Variants in DRAXIN observed in about 807,000 individuals in gnomAD.
The protein encoded by DRAXIN is dorsal inhibitory axon guidance protein, also known as dorsal repulsive axon guidance protein.
A neutral mutation model predicts 33.9 loss-of-function variants in DRAXIN; 27 were observed. The ratio of observed to expected loss-of-function variants is 0.80; its 90% CI spans 0.59 to 1.10. The LOEUF is 1.10. DRAXIN is among the 50% of genes least tolerant of loss of function. The pLI, the probability that DRAXIN is intolerant of heterozygous loss-of-function variation, is 0.00. For missense variants in DRAXIN, 371 were observed against 460.8 expected (o/e 0.81, Z 1.78); for synonymous variants, 178 against 194.0 (o/e 0.92, Z 0.69).
Position 11,704,238 on chromosome 1 carries a change from G to A in DRAXIN, c.-10-2011G>A, listed in dbSNP as rs1450092921. On this transcript the variant is annotated intron_variant, in intron 1 of 6. Coordinates refer to ENST00000294485, the MANE Select transcript of DRAXIN (RefSeq NM_198545.4). This position sits in a 1 kb window ranked among gnomAD's most constrained non-coding sequence, Gnocchi z 4.6. Reference sequence around the variant, plus strand: ...AGGACGCTCTTCGGGCTTCTCCCAGGCTGTCATGTCCCTGCAGGACAGAAA... The same window carrying A: ...AGGACGCTCTTCGGGCTTCTCCCAGACTGTCATGTCCCTGCAGGACAGAAA... Among the ~76,000 whole-genome samples, 1 of 152,216 alleles carries A rather than the reference G, an allele frequency of 6.6e-6. No individual in the cohort carries two copies. Among genetic ancestry groups the A allele is most frequent in the Non-Finnish European group, 1.5e-5 (1 of 68,032 alleles).
intron 5 of DRAXIN, among the ~76,000 whole-genome samples, chr1:11,712,881 C>T (rs1033140362): frequency 4.8e-5 from 7 of 146,620 alleles, no homozygotes; most frequent in Admixed American, 3.4e-4. Context: ...CCAGCCTGGG[C>T]GACAAGAGGG....
rs1013460292 is a variant in DRAXIN, at chr1:11,692,485, G to A, written c.-11+632G>A. ...AGGTACTCAGCCTGGCTCCCCCGAC[G>A]GCGCTGGTCTTTCGCCTGTGGTCTC... On this transcript the variant is annotated intron_variant, in intron 1 of 6. Coordinates refer to ENST00000294485, the MANE Select transcript of DRAXIN (RefSeq NM_198545.4). This position sits in a 1 kb window ranked among gnomAD's most constrained non-coding sequence, Gnocchi z 5.8. Among the ~76,000 whole-genome samples, 5 of 152,174 alleles carry A rather than the reference G, an allele frequency of 3.3e-5. No individual in the cohort carries two copies. The highest frequency in any genetic ancestry group is 3.3e-4 in the Admixed American group (5 of 15,280).
At chr1:11,701,468 A>C (rs1641273650) in intron 1 of DRAXIN, among the ~76,000 whole-genome samples, 1 of 152,242 alleles carries the variant, frequency 6.6e-6, no homozygotes, top group Non-Finnish European at 1.5e-5. Flanking sequence ...AAACGCGGAA[A>C]GGCCTGGGCT....
intron 6 of DRAXIN, among the ~76,000 whole-genome samples, chr1:11,717,248 A>G (rs1641590605): frequency 6.6e-6 from 1 of 152,094 alleles, no homozygotes; most frequent in African/African-American, 2.4e-5. Flanking sequence ...CTGCCATTGC[A>G]CTCCAGCCTG....
intron 6 of DRAXIN, 65 bp downstream of exon 6, chr1:11,715,273 G>A (rs561724475): frequency 3.1e-5 from 50 of 1,598,440 alleles, no homozygotes; most frequent in South Asian, 2.2e-4. Context: ...TCCCTTTCTC[G>A]AAGCGGCTTC....
chr1:11,688,127 C>T (rs138973889), upstream of DRAXIN, among the ~76,000 whole-genome samples: 414 of 152,318 alleles, frequency 2.7e-3, 3 homozygotes, highest in Middle Eastern at 6.8e-3. The surrounding 1 kb of genome is among the most constrained non-coding windows in gnomAD (Gnocchi z 4.6). Flanking sequence ...CAGCTCTATC[C>T]TTGGCGACGC....
chr1:11,687,102 G>A (rs1041047246), upstream of DRAXIN, among the ~76,000 whole-genome samples: 3 of 152,050 alleles, frequency 2.0e-5, no homozygotes, highest in Non-Finnish European at 4.4e-5. This position sits in a 1 kb window ranked among gnomAD's most constrained non-coding sequence, Gnocchi z 4.1. Context: ...GTCTCACTCT[G>A]TCATCTAGGC....
At position 11,692,524 on chromosome 1, in the gene DRAXIN, C is replaced by G. The variant is rs1425468425; in HGVS notation, c.-11+671C>G. ...GCCTGTGGTCTCCCGCTCTGTCCCTCCTGCTCCCCACCGCCGGCTTTTGGC... is the reference window on the plus strand; with the variant it reads ...GCCTGTGGTCTCCCGCTCTGTCCCTGCTGCTCCCCACCGCCGGCTTTTGGC... On this transcript the variant is annotated intron_variant, in intron 1 of 6. Coordinates refer to ENST00000294485, the MANE Select transcript of DRAXIN (RefSeq NM_198545.4). This position sits in a 1 kb window ranked among gnomAD's most constrained non-coding sequence, Gnocchi z 5.8. Among the ~76,000 whole-genome samples the G allele has an allele frequency of 6.6e-6, 1 of 152,180 alleles. No individual in the cohort carries two copies. Among genetic ancestry groups the G allele is most frequent in the African/African-American group, 2.4e-5 (1 of 41,446 alleles).
rs1470773684 is a variant in DRAXIN, at chr1:11,705,691, C to A, written c.-10-558C>A. ...AGAAAAATGGGGAAAATAACAGGAG[C>A]CATTTCAGAGAGCTCTTGAAAGGGC... is the stretch of plus-strand genomic sequence containing the variant. On this transcript the variant is annotated intron_variant, in intron 1 of 6. Coordinates refer to ENST00000294485, the MANE Select transcript of DRAXIN (RefSeq NM_198545.4). This position sits in a 1 kb window ranked among gnomAD's most constrained non-coding sequence, Gnocchi z 4.8. Among the ~76,000 whole-genome samples the A allele has an allele frequency of 2.6e-5, 4 of 152,140 alleles. No individual in the cohort carries two copies. Among genetic ancestry groups the A allele is most frequent in the African/African-American group, 9.7e-5 (4 of 41,416 alleles).
At chr1:11,710,230 G>C (rs1229175481) in intron 3 of DRAXIN, among the ~76,000 whole-genome samples, 2 of 151,062 alleles carry the variant, frequency 1.3e-5, no homozygotes, top group African/African-American at 4.9e-5. Context: ...GTTGGCTCAA[G>C]CCTGTAATTC....
At chr1:11,687,687 A>G (rs947576328), upstream of DRAXIN, among the ~76,000 whole-genome samples, 1 of 152,238 alleles carries the variant, frequency 6.6e-6, no homozygotes, top group Non-Finnish European at 1.5e-5. This position sits in a 1 kb window ranked among gnomAD's most constrained non-coding sequence, Gnocchi z 4.1. Flanking sequence ...GGACTTGCCA[A>G]TACGGAACAT....
intron 1 of DRAXIN, among the ~76,000 whole-genome samples, chr1:11,702,056 GCA>G (rs1206269577): frequency 6.6e-6 from 1 of 151,534 alleles, no homozygotes; most frequent in East Asian, 1.9e-4. Flanking sequence ...ACATGCTTGT[GCA>G]CACACATACG....
At position 11,720,593 on chromosome 1, in the gene DRAXIN, C is replaced by CA. The variant is rs34041422; in HGVS notation, c.*917dup. On this transcript the variant is annotated 3_prime_UTR_variant, in exon 7 of 7. Coordinates refer to ENST00000294485, the MANE Select transcript of DRAXIN (RefSeq NM_198545.4). ...GGGGGACAAGAGTGAAACTCCATCT[C>CA]AAAAAAAAAAAAAAAAAAAAGCACA... is the stretch of plus-strand genomic sequence containing the variant. 0.59 allele frequency: 41,632 copies of CA among 70,946 alleles called. 11,580 individuals carry two copies. The highest frequency in any genetic ancestry group is 0.67 in the Non-Finnish European group (26,753 of 39,696). The allele number at this position is 70,946 out of a possible 1,614,324, so 4.4% of individuals were successfully genotyped here. A position where few individuals can be genotyped will look rare whatever the true frequency, so the allele number is the denominator to read the frequency against.
intron 2 of DRAXIN, among the ~76,000 whole-genome samples, chr1:11,708,061 T>G (rs971554644): frequency 1.3e-5 from 2 of 152,070 alleles, no homozygotes; most frequent in Non-Finnish European, 2.9e-5. Context: ...AGGGCAGAGG[T>G]CAGTCAGGGT....
At position 11,704,829 on chromosome 1, in the gene DRAXIN, G is replaced by C. The variant is rs1379157094; in HGVS notation, c.-10-1420G>C. 6.6e-6 allele frequency among the ~76,000 whole-genome samples: 1 copy of C among 152,234 alleles called. No individual in the cohort carries two copies. Among genetic ancestry groups the C allele is most frequent in the East Asian group, 1.9e-4 (1 of 5,194 alleles). On this transcript the variant is annotated intron_variant, in intron 1 of 6. Transcript: ENST00000294485. This position sits in a 1 kb window ranked among gnomAD's most constrained non-coding sequence, Gnocchi z 4.6. ...GAAGAGCTGAGCTGTGGACAGTGGA[G>C]GCCAGGGCCCAGGATCCCAGGGGAC...
rs1253787676 is a variant in DRAXIN, at chr1:11,696,346, G to A, written c.-11+4493G>A. ...CTCACGCCTGTAATCCCAGCACTTTGGGAGACAGAGGCAGGCGGATCATGA... is the reference window on the plus strand; with the variant it reads ...CTCACGCCTGTAATCCCAGCACTTTAGGAGACAGAGGCAGGCGGATCATGA... On this transcript the variant is annotated intron_variant, in intron 1 of 6. Coordinates refer to ENST00000294485, the MANE Select transcript of DRAXIN (RefSeq NM_198545.4). This position sits in a 1 kb window ranked among gnomAD's most constrained non-coding sequence, Gnocchi z 4.7. Among the ~76,000 whole-genome samples, 1 of 152,202 alleles carries A rather than the reference G, an allele frequency of 6.6e-6. No homozygotes were observed. Among genetic ancestry groups the A allele is most frequent in the Admixed American group, 6.5e-5 (1 of 15,276 alleles).
chr1:11,719,398 G>A (rs994627140), intron 6 of DRAXIN, among the ~76,000 whole-genome samples, 186 bp from the exon 7 acceptor site: 1 of 152,156 alleles, frequency 6.6e-6, no homozygotes, highest in Admixed American at 6.5e-5. Flanking sequence ...TTCTCCTTCC[G>A]TGTTCATTCC....
At position 11,705,168 on chromosome 1, in the gene DRAXIN, C is replaced by A. The variant is rs1641359208; in HGVS notation, c.-10-1081C>A. 6.6e-6 allele frequency among the ~76,000 whole-genome samples: 1 copy of A among 152,184 alleles called. No homozygotes were observed. The highest frequency in any genetic ancestry group is 1.5e-5 in the Non-Finnish European group (1 of 68,028). On this transcript the variant is annotated intron_variant, in intron 1 of 6. Transcript: ENST00000294485. The surrounding 1 kb of genome is among the most constrained non-coding windows in gnomAD (Gnocchi z 4.8). ...GAAACGGTGGCGTAAGCACCCTTGC[C>A]AGCCTAGTGGAATACTCGGGAGGCC...
In DRAXIN at chr1:11,715,156, C is replaced by G. The variant is rs1351740695; in HGVS notation, c.885C>G (p.Pro295=). Residue 295 remains proline (P), a synonymous_variant, in exon 6 of 7, where the codon CCC becomes CCG. Transcript: ENST00000294485. ...CCDLREHLCT[P]HNRGLNNKCF... ...ACCTGCGGGAGCATCTCTGCACACC[C>G]CACAACCGAGGCCTCAACAACAAAT... The G allele has an allele frequency of 6.2e-7, 1 of 1,614,246 alleles. No individual in the cohort carries two copies. The highest frequency in any genetic ancestry group is 1.1e-5 in the South Asian group (1 of 91,086).
Sources: gnomAD v4.1 joint callset for allele counts (sites outside exome capture counted in the v4.1 genomes callset) on GRCh38, gnomAD v4.1.1 for gene constraint, Gnocchi (gnomAD v3.1) non-coding constraint, MANE v1.5 for transcripts, NCBI Gene and HGNC (gene_info 2026-07-23, HGNC 2026-07-21) for gene names.